Variants in DNAI7 observed in about 807,000 individuals in gnomAD.
DNAI7 encodes the protein cancer susceptibility 1.
In DNAI7, 78 loss-of-function variants were observed where a neutral mutation model predicts 86.6. The ratio of observed to expected loss-of-function variants is 0.90; its 90% CI spans 0.75 to 1.09. DNAI7 has a LOEUF of 1.09. Ranked by LOEUF, DNAI7 falls within the 50% of genes least tolerant of loss-of-function variation. DNAI7 has a pLI of 0.00. For synonymous variants in DNAI7, 274 were observed against 273.0 expected (o/e 1.00, Z -0.04); for missense variants, 753 against 810.2 (o/e 0.93, Z 0.86).
chr12:25,142,551 CAT>C (rs1335767264), intron 9 of DNAI7, among the ~76,000 whole-genome samples: 1 of 151,406 alleles, frequency 6.6e-6, no homozygotes, highest in African/African-American at 2.4e-5. Context: ...ATTATTACTA[CAT>C]GAGGCCACTT....
At position 25,111,865 on chromosome 12, in the gene DNAI7, C is replaced by T; in HGVS notation, c.1686G>A (p.Met562Ile). Residue 562 changes from methionine to isoleucine, a missense_variant, in exon 14 of 16, where the codon ATG (methionine) becomes ATA (isoleucine). Physicochemically the swap from Met to Ile is conservative, Grantham distance 10 (BLOSUM62 1). Coordinates refer to ENST00000395987, the MANE Select transcript of DNAI7 (RefSeq NM_018272.5). ...KHISILEGTWMTPIPFIIALK... is the reference protein window; with the variant it reads ...KHISILEGTWITPIPFIIALK... ...AAGCAATAATGAAAGGAATAGGAGT[C>T]ATCCAGGTTCCTTCCAAAATAGAGA... The T allele has an allele frequency of 6.2e-7, 1 of 1,606,054 alleles. No homozygotes were observed. Among genetic ancestry groups the T allele is most frequent in the Admixed American group, 1.7e-5 (1 of 59,354 alleles).
At chr12:25,119,812 T>C (rs1161996903) in intron 11 of DNAI7, among the ~76,000 whole-genome samples, 1 of 152,164 alleles carries the variant, frequency 6.6e-6, no homozygotes, top group Non-Finnish European at 1.5e-5. Flanking sequence ...TTTTCTGGGA[T>C]AAGGAAGATT....
At chr12:25,123,347 CTT>C in intron 9 of DNAI7, 61 bp from the exon 10 acceptor site, 1 of 1,138,218 alleles carries the variant, frequency 8.8e-7, no homozygotes, top group Non-Finnish European at 1.2e-6. Context: ...CAGTCATTGT[CTT>C]TGTGTTCCAG....
chr12:25,137,304 G>T (rs1307668798), intron 9 of DNAI7, among the ~76,000 whole-genome samples: 2 of 152,052 alleles, frequency 1.3e-5, no homozygotes, highest in Non-Finnish European at 2.9e-5. Context: ...ATGAAGGAAA[G>T]ATAAAGTCTT....
At chr12:25,155,588 A>T (rs79973559) in intron 4 of DNAI7, among the ~76,000 whole-genome samples, 176 bp from the exon 5 acceptor site, 8,964 of 152,316 alleles carry the variant, frequency 0.059, 362 homozygotes, top group Non-Finnish European at 0.089. Context: ...GTGGCTTACA[A>T]AGTGTGATCT....
intron 2 of DNAI7, among the ~76,000 whole-genome samples, chr12:25,161,660 G>C (rs1946849749): frequency 6.6e-6 from 1 of 152,246 alleles, no homozygotes; most frequent in South Asian, 2.1e-4. Flanking sequence ...TGAGGAGCAA[G>C]TAAAATATTT....
chr12:25,121,942 A>T (rs749585466), intron 10 of DNAI7, 29 bp from the exon 11 acceptor site: 1 of 1,463,466 alleles, frequency 6.8e-7, no homozygotes, highest in Admixed American at 2.5e-5. Flanking sequence ...ACAGTTTTCA[A>T]ATAGATTACA....
chr12:25,137,677 TTAAAG>T (rs1443899443), intron 9 of DNAI7, among the ~76,000 whole-genome samples: 4 of 151,922 alleles, frequency 2.6e-5, no homozygotes, highest in South Asian at 4.2e-4. Flanking sequence ...TCACATAAAC[TTAAAG>T]TAAAGAGGTG....
downstream of DNAI7, chr12:25,107,173 A>G (rs771314675): frequency 5.1e-5 from 23 of 452,520 alleles, no homozygotes; most frequent in Middle Eastern, 4.4e-4. Context: ...TTTAAGATGA[A>G]TAACAAACTT....
chr12:25,173,496 G>T (rs933914374), intron 2 of DNAI7, among the ~76,000 whole-genome samples: 4 of 152,060 alleles, frequency 2.6e-5, no homozygotes, highest in Admixed American at 6.6e-5. Flanking sequence ...CTTCCAGAAG[G>T]CAGGTGGGAA....
intron 1 of DNAI7, among the ~76,000 whole-genome samples, chr12:25,191,550 G>T (rs900236367): frequency 6.6e-6 from 1 of 151,452 alleles, no homozygotes; most frequent in African/African-American, 2.4e-5. Context: ...TAAAAATACA[G>T]AAAATTGGCC....
At chr12:25,177,728 G>T (rs1255323907) in intron 2 of DNAI7, among the ~76,000 whole-genome samples, 1 of 152,092 alleles carries the variant, frequency 6.6e-6, no homozygotes, top group Non-Finnish European at 1.5e-5. Flanking sequence ...ACTGTCCAAA[G>T]TAGTTATTCT....
intron 9 of DNAI7, among the ~76,000 whole-genome samples, chr12:25,131,915 T>C (rs2140625187): frequency 6.6e-6 from 1 of 152,262 alleles, no homozygotes; most frequent in South Asian, 2.1e-4. Flanking sequence ...CATAATTTAG[T>C]GTTTAAGGCA....
At chr12:25,160,441 C>T (rs1193292977) in intron 3 of DNAI7, among the ~76,000 whole-genome samples, 1 of 152,328 alleles carries the variant, frequency 6.6e-6, no homozygotes, top group South Asian at 2.1e-4. Flanking sequence ...ACCTACTCCA[C>T]ACTAACTCAT....
intron 9 of DNAI7, among the ~76,000 whole-genome samples, chr12:25,127,996 T>C (rs1271541300): frequency 1.3e-5 from 2 of 152,132 alleles, no homozygotes; most frequent in Non-Finnish European, 1.5e-5. Flanking sequence ...AAATTCCAGA[T>C]GGATATAAGA....
chr12:25,112,484 G>A (rs1368421157), intron 13 of DNAI7, among the ~76,000 whole-genome samples: 1 of 134,990 alleles, frequency 7.4e-6, no homozygotes, highest in African/African-American at 2.9e-5. Context: ...TTGGCTCACT[G>A]CAAGCTCTGC....
chr12:25,155,451 TTTTAAC>T (rs759947798), intron 4 of DNAI7, 39 bp from the exon 5 acceptor site: 9 of 1,126,440 alleles, frequency 8.0e-6, no homozygotes, highest in East Asian at 2.5e-5. Context: ...AGCTCTTTAA[TTTTAAC>T]TTTATGTTTC....
chr12:25,182,636 A>ACACACACACACAAGC (rs1422435711), intron 2 of DNAI7, among the ~76,000 whole-genome samples: 5 of 151,564 alleles, frequency 3.3e-5, no homozygotes, highest in Admixed American at 3.3e-4. Context: ...ACACACACAC[A>ACACACACACACAAGC]CAAGCCAGAT....
rs1940770961 is a variant in DNAI7, at chr12:25,119,125, C to G, written c.1396+20G>C. The stretch of plus-strand genomic sequence containing the variant: ...TTTATGATTATCCCTCCTTTTATTA[C>G]ATAATTATAAAAGCTGTACCTTCAG... On this transcript the variant is annotated intron_variant, in intron 12 of 15. Transcript: ENST00000395987. 1 of 1,564,264 alleles carries G rather than the reference C, an allele frequency of 6.4e-7. No homozygotes were observed. The highest frequency in any genetic ancestry group is 1.4e-5 in the African/African-American group (1 of 72,646).
Sources: allele counts gnomAD v4.1 joint callset (sites outside exome capture counted in the v4.1 genomes callset), GRCh38; gene constraint gnomAD v4.1.1; transcripts MANE v1.5; gene names NCBI Gene and HGNC (gene_info 2026-07-23, HGNC 2026-07-21).